LHX9: variants seen among roughly 807,000 people sequenced by gnomAD.
LHX9 encodes the protein LIM homeobox 9.
In LHX9, 9 loss-of-function variants were observed where a neutral mutation model predicts 36.5. The ratio of observed to expected loss-of-function variants is 0.25; its 90% CI spans 0.15 to 0.43. The LOEUF is 0.43. Ranked by LOEUF, LHX9 falls within the 20% of genes least tolerant of loss-of-function variation. The pLI is 1.00. For synonymous variants in LHX9, 211 were observed against 212.1 expected (o/e 0.99, Z 0.04); for missense variants, 464 against 526.4 (o/e 0.88, Z 1.16).
At chr1:197,923,523 A>AGAGAG (rs1372495630) in intron 3 of LHX9, among the ~76,000 whole-genome samples, 3 of 115,534 alleles carry the variant, frequency 2.6e-5, no homozygotes, top group African/African-American at 9.9e-5. Flanking sequence ...GAGAGAGAGA[A>AGAGAG]AGCAAGCCAC....
chr1:197,921,266 G>C lies in LHX9; in HGVS notation c.378-38G>C. ...CGCGGGTGGGATATGGCTCTGCCTT[G>C]CTTCAACTAGCGCCCTGACTCAACT... On this transcript the variant is annotated intron_variant, in intron 2 of 4. Transcript: ENST00000367387. This position sits in a 1 kb window ranked among gnomAD's most constrained non-coding sequence, Gnocchi z 4.6. The C allele has an allele frequency of 5.7e-6, 9 of 1,566,028 alleles. No individual in the cohort carries two copies. Among genetic ancestry groups the C allele is most frequent in the Non-Finnish European group, 7.8e-6 (9 of 1,150,846 alleles).
intron 1 of LHX9, among the ~76,000 whole-genome samples, 170 bp from the exon 2 acceptor site, chr1:197,919,802 G>A (rs1345164513): frequency 6.6e-6 from 1 of 152,248 alleles, no homozygotes; most frequent in Non-Finnish European, 1.5e-5. Flanking sequence ...CAAGCGGGCC[G>A]CAAAGAGAGA....
intron 3 of LHX9, among the ~76,000 whole-genome samples, chr1:197,924,621 C>T (rs772387091): frequency 2.0e-5 from 3 of 152,138 alleles, no homozygotes; most frequent in Non-Finnish European, 4.4e-5. Context: ...AAACTTTTGC[C>T]ACTTCTCAAA....
At chr1:197,927,936 T>C (rs1017599913) in intron 4 of LHX9, 143 bp downstream of exon 4, 5 of 825,834 alleles carry the variant, frequency 6.1e-6, no homozygotes, top group Middle Eastern at 2.4e-4. Flanking sequence ...TAGAGGGTGT[T>C]CTGAGATTTT....
chr1:197,922,811 C>T (rs982482226), intron 3 of LHX9, among the ~76,000 whole-genome samples: 3 of 152,152 alleles, frequency 2.0e-5, no homozygotes, highest in East Asian at 1.9e-4. Flanking sequence ...CCCCCAGATA[C>T]CAAGCATGGG....
chr1:197,933,410 T>G lies in LHX9; in HGVS notation c.*4151T>G, dbSNP rs1036972618. 7.2e-5 allele frequency: 11 copies of G among 152,064 alleles called. No homozygotes were observed. Among genetic ancestry groups the G allele is most frequent in the African/African-American group, 2.7e-4 (11 of 41,410 alleles). 9.4% of individuals were successfully genotyped at this position (152,064 alleles called of 1,614,324 possible). On this transcript the variant is annotated 3_prime_UTR_variant, in exon 5 of 5. Transcript: ENST00000367387. ...ACCATGACAAGTAGACTATTTTGAG[T>G]GATCACAAATCATGCTGGTTTTGTC...
At chr1:197,920,471 G>T (rs1328260175) in intron 2 of LHX9, among the ~76,000 whole-genome samples, 2 of 152,196 alleles carry the variant, frequency 1.3e-5, no homozygotes, top group Admixed American at 1.3e-4. Context: ...GTAAATGGAC[G>T]TGGTCTCCGT....
chr1:197,912,679 T>C, upstream of LHX9: 3 of 1,081,040 alleles, frequency 2.8e-6, no homozygotes, highest in Non-Finnish European at 4.3e-6. Context: ...GAGTGTGTGT[T>C]TGTCTTAAAA....
rs768988583 is a variant in LHX9, at chr1:197,928,960, A to G, written c.937-42A>G. The G allele has an allele frequency of 2.0e-6, 3 of 1,467,986 alleles. No individual in the cohort carries two copies. In the East Asian group the frequency reaches 7.4e-5, roughly 36 times the overall value. The allele number at this position is 1,467,986 out of a possible 1,614,324, so 90.9% of individuals were successfully genotyped here. On this transcript the variant is annotated intron_variant, in intron 4 of 4. Coordinates refer to ENST00000367387, the MANE Select transcript of LHX9 (RefSeq NM_020204.3). Reference sequence around the variant, plus strand: ...TGAGAGAGAAAGAAAAGAAATATAAAAATGAACATCGGTAAAGAAATCAAT... The same window carrying G: ...TGAGAGAGAAAGAAAAGAAATATAAGAATGAACATCGGTAAAGAAATCAAT...
rs1023986892 is a variant in LHX9 at position 197,917,422 on chromosome 1, C to T, written c.-402C>T. 3.1e-6 allele frequency: 4 copies of T among 1,310,476 alleles called. No homozygotes were observed. The highest frequency in any genetic ancestry group is 2.3e-5 in the Admixed American group (1 of 43,700). The allele number at this position is 1,310,476 out of a possible 1,614,324, so 81.2% of individuals were successfully genotyped here. A position where few individuals can be genotyped will look rare whatever the true frequency, so the allele number is the denominator to read the frequency against. Reference sequence around the variant, plus strand: ...TGGGAACTTGCAAGCAGCCAGGGAACGCTGAAAATAGCACGTCTTTTTCTT... The same window carrying T: ...TGGGAACTTGCAAGCAGCCAGGGAATGCTGAAAATAGCACGTCTTTTTCTT... On this transcript the variant is annotated 5_prime_UTR_variant, in exon 1 of 5. The change creates a new upstream start codon in the 5' untranslated region. Transcript: ENST00000367387.
In LHX9 at chr1:197,919,877, T is replaced by C; in HGVS notation, c.175-95T>C. 6.1e-6 allele frequency: 8 copies of C among 1,307,542 alleles called. No individual in the cohort carries two copies. The South Asian group carries it at 1.0e-4, about 17-fold the overall frequency. 81.0% of individuals were successfully genotyped at this position (1,307,542 alleles called of 1,614,324 possible). ...GGACCCTGGCCCCTGCCGCTCTCCC[T>C]GCACACCCTGGGCTTGGTCTGCCTG... is the stretch of plus-strand genomic sequence containing the variant. On this transcript the variant is annotated intron_variant, in intron 1 of 4. Coordinates refer to ENST00000367387, the MANE Select transcript of LHX9 (RefSeq NM_020204.3).
rs1403581838 is a variant in LHX9, at chr1:197,929,040, C to G, written c.975C>G (p.Asn325Lys). Residue 325 changes from asparagine (N) to lysine (K), a missense_variant, in exon 5 of 5, where the codon AAC becomes AAG. Coordinates refer to ENST00000367387, the MANE Select transcript of LHX9 (RefSeq NM_020204.3). Reference protein sequence around the residue: ...FQNARAKFRRNLLRQENGGVD... With the variant: ...FQNARAKFRRKLLRQENGGVD... ...ACGCACGAGCCAAATTCAGAAGGAACCTTTTGCGGCAGGAGAATGGGGGTG... is the reference window on the plus strand; with the variant it reads ...ACGCACGAGCCAAATTCAGAAGGAAGCTTTTGCGGCAGGAGAATGGGGGTG... 1.9e-6 allele frequency: 3 copies of G among 1,612,624 alleles called. No individual in the cohort carries two copies. The highest frequency in any genetic ancestry group is 2.7e-5 in the African/African-American group (2 of 74,898).
chr1:197,912,544 A>G, upstream of LHX9: 1 of 1,614,170 alleles, frequency 6.2e-7, no homozygotes, highest in Admixed American at 1.7e-5. Context: ...GCTGAACGGT[A>G]CCACTCTAGA....
chr1:197,921,646 C>A lies in LHX9; in HGVS notation c.720C>A (p.Val240=). 1 of 1,587,094 alleles carries A rather than the reference C, an allele frequency of 6.3e-7. No individual in the cohort carries two copies. Among genetic ancestry groups the A allele is most frequent in the Non-Finnish European group, 8.5e-7 (1 of 1,170,328 alleles). ...RKSPALGVDI[V]NYNSGCNENE... ...GCCCAGCGCTGGGAGTGGACATCGT[C>A]AATTACAACTCAGGTGTGCCTCCTA... is the stretch of plus-strand genomic sequence containing the variant. Residue 240 remains valine, a synonymous_variant, in exon 3 of 5, where the codon GTC becomes GTA. Coordinates refer to ENST00000367387, the MANE Select transcript of LHX9 (RefSeq NM_020204.3). This position sits in a 1 kb window ranked among gnomAD's most constrained non-coding sequence, Gnocchi z 4.6.
chr1:197,922,529 C>T (rs908307990), intron 3 of LHX9, among the ~76,000 whole-genome samples: 1 of 152,166 alleles, frequency 6.6e-6, no homozygotes, highest in Admixed American at 6.5e-5. Context: ...TCCCCATCCT[C>T]CAGGTGAGGA....
In LHX9 at chr1:197,932,417, A is replaced by C. The variant is rs2102605930; in HGVS notation, c.*3158A>C. On this transcript the variant is annotated 3_prime_UTR_variant, in exon 5 of 5. Transcript: ENST00000367387. ...CTATCACCCATTTAAGAGTATAGGG[A>C]TCAAACCCCAGTAATTTTAGCATTA... 6.5e-6 allele frequency: 1 copy of C among 154,032 alleles called. No homozygotes were observed. Among genetic ancestry groups the C allele is most frequent in the African/African-American group, 2.4e-5 (1 of 41,594 alleles). 9.5% of individuals were successfully genotyped at this position (154,032 alleles called of 1,614,324 possible). A position where few individuals can be genotyped will look rare whatever the true frequency, so the allele number is the denominator to read the frequency against.
In LHX9 at chr1:197,929,226, C is replaced by G; in HGVS notation, c.1161C>G (p.Ser387Arg). ...ACATGGACAGCCACGAATCCGGAAGCCCCTCACAAACTACCTTAACAAACC... is the reference window on the plus strand; with the variant it reads ...ACATGGACAGCCACGAATCCGGAAGGCCCTCACAAACTACCTTAACAAACC... ...TSNMDSHESG[S>R]PSQTTLTNLF is the part of the protein sequence containing the mutation. Residue 387 changes from serine (S) to arginine (R), a missense_variant, in exon 5 of 5, where the codon AGC (serine) becomes AGG (arginine). Coordinates refer to ENST00000367387, the MANE Select transcript of LHX9 (RefSeq NM_020204.3). 1 of 1,535,994 alleles carries G rather than the reference C, an allele frequency of 6.5e-7. No individual in the cohort carries two copies. The highest frequency in any genetic ancestry group is 8.8e-7 in the Non-Finnish European group (1 of 1,138,482).
At chr1:197,925,372 G>A (rs914779665) in intron 3 of LHX9, among the ~76,000 whole-genome samples, 1 of 152,156 alleles carries the variant, frequency 6.6e-6, no homozygotes, top group African/African-American at 2.4e-5. Context: ...GTGGAGTGGG[G>A]GAAAGATGGC....
intron 1 of LHX9, 143 bp from the exon 2 acceptor site, chr1:197,919,829 C>G (rs948184299): frequency 1.4e-6 from 1 of 735,084 alleles, no homozygotes; most frequent in East Asian, 2.6e-5. Context: ...AAATGTTTCC[C>G]CTGACTTTTG....
Sources: gnomAD v4.1 joint callset for allele counts (sites outside exome capture counted in the v4.1 genomes callset) on GRCh38, gnomAD v4.1.1 for gene constraint, Gnocchi (gnomAD v3.1) non-coding constraint, MANE v1.5 for transcripts, NCBI Gene and HGNC (gene_info 2026-07-23, HGNC 2026-07-21) for gene names.